Variants in CALN1 observed in about 807,000 individuals in gnomAD.
CALN1 encodes calneuron 1, also known as calcium-binding protein 8.
In CALN1, 17 loss-of-function variants were observed where a neutral mutation model predicts 30.6. That is an observed-to-expected ratio of 0.56 (90% CI 0.38 to 0.83). The LOEUF is 0.83. Ranked by LOEUF, CALN1 falls within the 40% of genes least tolerant of loss-of-function variation. CALN1 has a pLI of 0.00. For missense variants in CALN1, 291 were observed against 354.9 expected, an observed-to-expected ratio of 0.82 and a Z score of 1.45; for synonymous variants, 156 against 131.4, an observed-to-expected ratio of 1.19 and a Z score of -1.28.
chr7:72,489,625 A>G, the CALN1 span, among the ~76,000 whole-genome samples: 1 of 152,140 alleles, frequency 6.6e-6, no homozygotes, highest in African/African-American at 2.4e-5. Flanking sequence ...GTTCCTAAAA[A>G]CTGGAAGCAG....
intron 5 of CALN1, among the ~76,000 whole-genome samples, chr7:71,833,255 T>C (rs551233766): frequency 2.0e-5 from 3 of 152,338 alleles, no homozygotes; most frequent in African/African-American, 4.8e-5. Flanking sequence ...ATTTTTGTTC[T>C]GTCCATGAGA....
At chr7:72,382,780 T>C (rs1585624950) in intron 2 of CALN1, among the ~76,000 whole-genome samples, 1 of 152,272 alleles carries the variant, frequency 6.6e-6, no homozygotes, top group East Asian at 1.9e-4. Flanking sequence ...CCCATGTTGC[T>C]GTAAAGGACA....
At chr7:72,312,423 A>G (rs1003438900) in intron 2 of CALN1, among the ~76,000 whole-genome samples, 3 of 149,620 alleles carry the variant, frequency 2.0e-5, no homozygotes, top group Non-Finnish European at 4.4e-5. Context: ...AAAGTAAGTC[A>G]CTTCCCTATA....
chr7:72,061,082 G>A (rs1803616157), intron 4 of CALN1, among the ~76,000 whole-genome samples: 1 of 152,118 alleles, frequency 6.6e-6, no homozygotes, highest in Non-Finnish European at 1.5e-5. Context: ...AAACTGAACA[G>A]ACCACAATCC....
chr7:72,350,359 A>G (rs1051237233), intron 2 of CALN1, among the ~76,000 whole-genome samples: 3 of 152,214 alleles, frequency 2.0e-5, no homozygotes, highest in South Asian at 2.1e-4. Context: ...TATTCACAAT[A>G]GTAAAGATAT....
At chr7:72,290,462 G>C (rs1798401684) in intron 2 of CALN1, among the ~76,000 whole-genome samples, 1 of 152,132 alleles carries the variant, frequency 6.6e-6, no homozygotes, top group African/African-American at 2.4e-5. Context: ...AGCCTCAGTG[G>C]TAGCAACTCT....
intron 2 of CALN1, among the ~76,000 whole-genome samples, chr7:72,331,742 G>C (rs967652879): frequency 5.9e-5 from 9 of 151,972 alleles, no homozygotes; most frequent in African/African-American, 2.2e-4. Flanking sequence ...GGATGTGCAG[G>C]TTTGTTACAC....
intron 3 of CALN1, among the ~76,000 whole-genome samples, chr7:72,120,993 C>T (rs1204299041): frequency 2.0e-5 from 3 of 151,612 alleles, no homozygotes; most frequent in Admixed American, 6.6e-5. Context: ...GGGGAGAAAG[C>T]TACTCTCCTA....
In CALN1 at chr7:72,359,976, C is replaced by CA. The variant is rs750054515; in HGVS notation, c.119+43274dup. 3.0e-3 allele frequency among the ~76,000 whole-genome samples: 189 copies of CA among 63,896 alleles called. 7 individuals carry two copies. Among genetic ancestry groups the CA allele is most frequent in the South Asian group, 0.02 (31 of 1,556 alleles). 41.9% of individuals were successfully genotyped at this position (63,896 alleles called of 152,430 possible). On this transcript the variant is annotated intron_variant, in intron 2 of 6. Coordinates refer to ENST00000395275, the MANE Select transcript of CALN1 (RefSeq NM_031468.4). ...TGGGTGACAGAGTGAGACTCCATCTCAAAAAAAAAAAAAAACCAAAGTTGA... is the reference window on the plus strand; with the variant it reads ...TGGGTGACAGAGTGAGACTCCATCTCAAAAAAAAAAAAAAAACCAAAGTTGA...
chr7:72,134,009 A>G (rs933153198), intron 3 of CALN1, among the ~76,000 whole-genome samples: 2 of 152,176 alleles, frequency 1.3e-5, no homozygotes, highest in African/African-American at 4.8e-5. Context: ...TGGCATTAAA[A>G]GGCATTAAAA....
chr7:72,109,727 G>A (rs1181902901), intron 3 of CALN1, among the ~76,000 whole-genome samples: 2 of 152,196 alleles, frequency 1.3e-5, no homozygotes, highest in African/African-American at 4.8e-5. Flanking sequence ...CATGTGGCCT[G>A]AGCTCAGATC....
chr7:72,156,423 A>G (rs1787684678), intron 3 of CALN1, among the ~76,000 whole-genome samples: 1 of 152,188 alleles, frequency 6.6e-6, no homozygotes, highest in African/African-American at 2.4e-5. Flanking sequence ...GCATCTGCCC[A>G]AATGTGGGCA....
At chr7:72,113,624 A>G (rs1807730174) in intron 3 of CALN1, among the ~76,000 whole-genome samples, 1 of 152,138 alleles carries the variant, frequency 6.6e-6, no homozygotes, top group African/African-American at 2.4e-5. Context: ...TTCTTTCACA[A>G]ATAAAGTTTT....
intron 3 of CALN1, among the ~76,000 whole-genome samples, chr7:72,184,975 A>T (rs1562704715): frequency 6.6e-6 from 1 of 150,606 alleles, no homozygotes; most frequent in Non-Finnish European, 1.5e-5. Context: ...TTTTATTTTA[A>T]TTTTTTTTTG....
chr7:72,122,794 C>T (rs77897729), intron 3 of CALN1, among the ~76,000 whole-genome samples: 1,935 of 152,258 alleles, frequency 0.013, 43 homozygotes, highest in African/African-American at 0.044. Flanking sequence ...ATTCAACAAA[C>T]GTTTCTTAAG....
the CALN1 span, among the ~76,000 whole-genome samples, chr7:72,483,327 G>A: frequency 2.2e-5 from 3 of 134,488 alleles, no homozygotes; most frequent in African/African-American, 5.5e-5. Flanking sequence ...CTCTGTTGCC[G>A]AAGCTAGAGT....
chr7:72,484,194 G>C, the CALN1 span, among the ~76,000 whole-genome samples: 1 of 152,062 alleles, frequency 6.6e-6, no homozygotes, highest in African/African-American at 2.4e-5. Context: ...GGTAATTTTA[G>C]ATTGGATATG....
intron 1 of CALN1, 113 bp from the exon 2 acceptor site, chr7:72,403,555 G>A (rs774381227): frequency 1.2e-4 from 56 of 483,740 alleles, no homozygotes; most frequent in Non-Finnish European, 1.9e-4. Context: ...ACAGGACAAT[G>A]GTAGAAACAC....
chr7:71,850,538 G>A (rs1790578242), intron 5 of CALN1, among the ~76,000 whole-genome samples: 1 of 152,164 alleles, frequency 6.6e-6, no homozygotes, highest in Non-Finnish European at 1.5e-5. Context: ...TGAGTGAAAT[G>A]AAAAGCAAGA....
Sources: allele counts gnomAD v4.1 joint callset (sites outside exome capture counted in the v4.1 genomes callset), GRCh38; gene constraint gnomAD v4.1.1; transcripts MANE v1.5; gene names NCBI Gene and HGNC (gene_info 2026-07-23, HGNC 2026-07-21).